ACOT1: variants seen among roughly 807,000 people sequenced by gnomAD.
ACOT1 encodes the protein acyl-coenzyme A thioesterase 1.
A neutral mutation model predicts 15.7 loss-of-function variants in ACOT1; 8 were observed. The ratio of observed to expected loss-of-function variants is 0.51; its 90% CI spans 0.30 to 0.92. ACOT1 has a LOEUF of 0.92. Among genes scored for constraint, ACOT1 ranks in the 40% least tolerant of loss-of-function variants. The pLI, the probability that ACOT1 is intolerant of heterozygous loss-of-function variation, is 0.06. For synonymous variants in ACOT1, 67 were observed against 241.2 expected, an observed-to-expected ratio of 0.28 and a Z score of 6.69; for missense variants, 151 against 539.4, an observed-to-expected ratio of 0.28 and a Z score of 7.13.
chr14:73,536,986 G>GTT (rs544641623), upstream of ACOT1: 164 of 77,446 alleles, frequency 2.1e-3, 25 homozygotes, highest in African/African-American at 4.9e-3. Flanking sequence ...GGTTGTTGTT[G>GTT]TTTTTTTTTT....
intron 1 of ACOT1, among the ~76,000 whole-genome samples, chr14:73,540,706 A>C (rs1889047926): frequency 8.4e-6 from 1 of 119,464 alleles, no homozygotes; most frequent in Non-Finnish European, 1.8e-5. Flanking sequence ...GCACTGAACT[A>C]TGTCTTAAAA....
the ACOT1 span, among the ~76,000 whole-genome samples, chr14:73,525,377 C>A: frequency 6.6e-6 from 1 of 152,148 alleles, no homozygotes; most frequent in African/African-American, 2.4e-5. Flanking sequence ...GAATCAATAA[C>A]CTCCCTCAAA....
the ACOT1 span, chr14:73,512,097 G>A: frequency 1.2e-5 from 19 of 1,614,124 alleles, 1 homozygote; most frequent in African/African-American, 2.1e-4. Flanking sequence ...CATCATGCAG[G>A]TCTCCCAAGC....
chr14:73,529,339 A>G, the ACOT1 span, among the ~76,000 whole-genome samples: 11 of 125,186 alleles, frequency 8.8e-5, no homozygotes, highest in Non-Finnish European at 1.4e-4. Context: ...TGGGCAACAG[A>G]GTGAGACTCT....
the ACOT1 span, chr14:73,520,648 G>T: frequency 2.0e-6 from 1 of 505,300 alleles, no homozygotes; most frequent in Non-Finnish European, 3.5e-6. Flanking sequence ...GAGAAAGCGG[G>T]GAGAGAGAGC....
At chr14:73,507,207 C>T in the ACOT1 span, among the ~76,000 whole-genome samples, 2 of 152,174 alleles carry the variant, frequency 1.3e-5, no homozygotes, top group African/African-American at 4.8e-5. Context: ...TAGGCCTCTG[C>T]AGTTTTCAAT....
the ACOT1 span, among the ~76,000 whole-genome samples, chr14:73,507,804 G>A: frequency 6.6e-6 from 1 of 152,052 alleles, no homozygotes; most frequent in African/African-American, 2.4e-5. Flanking sequence ...GTGTAGTGGC[G>A]TGATCTCAGC....
the ACOT1 span, chr14:73,508,429 C>G: frequency 1.4e-6 from 1 of 717,172 alleles, no homozygotes; most frequent in Non-Finnish European, 2.3e-6. Context: ...TCTAGAAATA[C>G]AATTTCTTAT....
the ACOT1 span, among the ~76,000 whole-genome samples, chr14:73,527,031 C>T: frequency 6.6e-6 from 1 of 152,080 alleles, no homozygotes; most frequent in Non-Finnish European, 1.5e-5. Context: ...CCCAAGGCCA[C>T]CAAAGATACA....
chr14:73,492,019 G>T, the ACOT1 span: 152 of 1,613,792 alleles, frequency 9.4e-5, no homozygotes, highest in Middle Eastern at 3.3e-4. This position sits in a 1 kb window ranked among gnomAD's most constrained non-coding sequence, Gnocchi z 4.9. Context: ...CCCCTAACTC[G>T]CAGGGCTTTG....
Position 73,541,717 on chromosome 14 carries a change from A to G in ACOT1, c.660+22A>G, listed in dbSNP as rs1889093939. The G allele has an allele frequency of 1.6e-6, 2 of 1,225,684 alleles. 1 individual carries two copies. The allele number at this position is 1,225,684 out of a possible 1,614,324, so 75.9% of individuals were successfully genotyped here. A position where few individuals can be genotyped will look rare whatever the true frequency, so the allele number is the denominator to read the frequency against. On this transcript the variant is annotated intron_variant, in intron 2 of 2. Coordinates refer to ENST00000311148, the MANE Select transcript of ACOT1 (RefSeq NM_001037161.2). ...TGAGGTGAGTTCTTCTCTCAGATTT[A>G]TGGGCTATGATGTATCAGGTCTCTT...
the ACOT1 span, among the ~76,000 whole-genome samples, chr14:73,508,609 C>T: frequency 9.7e-4 from 148 of 151,920 alleles, no homozygotes; most frequent in African/African-American, 3.4e-3. Flanking sequence ...ATCAGCCAGG[C>T]GTGGTGGCAT....
At chr14:73,492,018 C>T in the ACOT1 span, 2 of 1,613,990 alleles carry the variant, frequency 1.2e-6, no homozygotes. The surrounding 1 kb of genome is among the most constrained non-coding windows in gnomAD (Gnocchi z 4.9). Context: ...CCCCCTAACT[C>T]GCAGGGCTTT....
the ACOT1 span, among the ~76,000 whole-genome samples, chr14:73,518,296 C>T: frequency 6.6e-6 from 1 of 151,400 alleles, no homozygotes; most frequent in Non-Finnish European, 1.5e-5. Context: ...TCCAGCTACC[C>T]TGGAGGCTGA....
upstream of ACOT1, among the ~76,000 whole-genome samples, chr14:73,533,153 G>A (rs1888759830): frequency 8.8e-6 from 1 of 113,200 alleles, no homozygotes; most frequent in South Asian, 2.8e-4. Context: ...CCCTGTTGAA[G>A]GTTCCTCAAA....
the ACOT1 span, chr14:73,491,680 C>G: frequency 6.5e-7 from 1 of 1,549,814 alleles, no homozygotes; most frequent in Non-Finnish European, 8.7e-7. Context: ...TTTACCGGCG[C>G]CTATGGGAGC....
chr14:73,493,595 T>C, the ACOT1 span, among the ~76,000 whole-genome samples: 1 of 152,020 alleles, frequency 6.6e-6, no homozygotes, highest in African/African-American at 2.4e-5. Context: ...CCTAGCACTT[T>C]AGGAGGCCGA....
the ACOT1 span, among the ~76,000 whole-genome samples, chr14:73,526,569 C>T: frequency 6.6e-6 from 1 of 152,010 alleles, no homozygotes; most frequent in Non-Finnish European, 1.5e-5. Context: ...AGTTGCAAGA[C>T]AAAGTCCAGA....
chr14:73,503,521 G>T, the ACOT1 span, among the ~76,000 whole-genome samples: 1 of 152,154 alleles, frequency 6.6e-6, no homozygotes, highest in Non-Finnish European at 1.5e-5. Context: ...ATGTGCCCAC[G>T]CTGTTCTTCC....
Sources: gnomAD v4.1 joint callset for allele counts (sites outside exome capture counted in the v4.1 genomes callset) on GRCh38, gnomAD v4.1.1 for gene constraint, Gnocchi (gnomAD v3.1) non-coding constraint, MANE v1.5 for transcripts, NCBI Gene and HGNC (gene_info 2026-07-23, HGNC 2026-07-21) for gene names.